Variants in MED13L observed in about 807,000 individuals in gnomAD.
MED13L encodes the protein mediator complex subunit 13L, also known as mediator of RNA polymerase II transcription subunit 13-like.
Under a neutral mutation model 220.9 loss-of-function variants are expected in MED13L, and 7 were observed. The observed-to-expected ratio is 0.03, with a 90% confidence interval of 0.02 to 0.06. MED13L has a LOEUF of 0.06. Among genes scored for constraint, MED13L ranks in the 10% least tolerant of loss-of-function variants. The probability of loss-of-function intolerance (pLI) is 1.00; values close to 1 mark genes in which losing one functional copy is unlikely to be tolerated. For missense variants in MED13L, 1,965 were observed against 2,760.5 expected (o/e 0.71, Z 6.46); for synonymous variants, 1,011 against 1,015.2 (o/e 1.00, Z 0.08).
chr12:116,007,382 T>C, intron 11 of MED13L, 29 bp downstream of exon 11: 1 of 1,580,782 alleles, frequency 6.3e-7, no homozygotes, highest in Non-Finnish European at 8.7e-7. Context: ...ACCCACACCA[T>C]GCTGGACTCT....
chr12:116,016,193 A>G (rs748256390), intron 7 of MED13L, among the ~76,000 whole-genome samples: 8 of 152,118 alleles, frequency 5.3e-5, no homozygotes, highest in Non-Finnish European at 8.8e-5. Context: ...CACCTTAACG[A>G]AAGTCAAGGT....
intron 30 of MED13L, among the ~76,000 whole-genome samples, 159 bp downstream of exon 30, chr12:115,963,248 A>AT (rs1875897442): frequency 6.6e-6 from 1 of 152,182 alleles, no homozygotes; most frequent in Non-Finnish European, 1.5e-5. Context: ...CCATGCAGCT[A>AT]TGAGGGACTG....
rs1875692017 is a variant in MED13L, at chr12:115,960,525, C to T, written c.*741G>A. 1 of 152,470 alleles carries T rather than the reference C, an allele frequency of 6.6e-6. No homozygotes were observed. The highest frequency in any genetic ancestry group is 2.1e-4 in the South Asian group (1 of 4,838). 9.4% of individuals were successfully genotyped at this position (152,470 alleles called of 1,614,324 possible). ...TGATCTCCCCAATGTGTTTTTACTC[C>T]TTTTCCGGCTTCTAGGACAGAGGTA... is the stretch of plus-strand genomic sequence containing the variant. On this transcript the variant is annotated 3_prime_UTR_variant, in exon 31 of 31. Transcript: ENST00000281928.
At chr12:115,984,754 C>T (rs1489794926) in intron 19 of MED13L, among the ~76,000 whole-genome samples, 2 of 152,168 alleles carry the variant, frequency 1.3e-5, no homozygotes, top group Admixed American at 6.6e-5. Context: ...AATCCCTACT[C>T]ATAATATTTT....
At position 115,965,575 on chromosome 12, in the gene MED13L, G is replaced by A. The variant is rs543908631; in HGVS notation, c.6387+507C>T. ...GTTTTTAACATAAACTGCAAGTAGG[G>A]GATCTTTTGTTTTGAACCCTTAAAA... On this transcript the variant is annotated intron_variant, in intron 29 of 30. Transcript: ENST00000281928. 2.0e-5 allele frequency among the ~76,000 whole-genome samples: 3 copies of A among 152,238 alleles called. No homozygotes were observed. The East Asian group carries it at 5.8e-4, about 29-fold the overall frequency.
In MED13L at chr12:116,215,272, G is replaced by A. The variant is rs1487618556; in HGVS notation, c.310+22196C>T. ...TAAGTGAACATTCTTTGTTTCCTTC[G>A]CAGGTGACAAAACCATATTACATCC... On this transcript the variant is annotated intron_variant, in intron 2 of 30. Transcript: ENST00000281928. 2.6e-5 allele frequency among the ~76,000 whole-genome samples: 4 copies of A among 151,948 alleles called. No individual in the cohort carries two copies. The East Asian group carries it at 5.8e-4, about 22-fold the overall frequency.
rs1236040665 is a variant in MED13L, at chr12:116,008,764, G to C, written c.1649C>G (p.Ser550Cys). ...TGTTGGTGGCAGAGGGGATATAGGGGAATGAGGTGAATCCATAGGATTCAG... is the reference window on the plus strand; with the variant it reads ...TGTTGGTGGCAGAGGGGATATAGGGCAATGAGGTGAATCCATAGGATTCAG... ...MNLNPMDSPHSPISPLPPTLS... is the reference protein window; with the variant it reads ...MNLNPMDSPHCPISPLPPTLS... The change falls in exon 10 of 31, where the codon TCC becomes TGC. Residue 550 changes from serine to cysteine, a missense_variant. Ser to Cys is a moderately radical substitution (Grantham distance 112). Around this residue, in one of 10 missense-constraint regions of MED13L, gnomAD observed 818 missense variants for 1,041.2 expected, o/e 0.79. Transcript: ENST00000281928. The C allele has an allele frequency of 3.1e-6, 5 of 1,613,920 alleles. No homozygotes were observed. Among genetic ancestry groups the C allele is most frequent in the African/African-American group, 1.3e-5 (1 of 74,892 alleles).
intron 1 of MED13L, among the ~76,000 whole-genome samples, chr12:116,253,753 G>GTTTTTTTTTTTTT (rs746923184): frequency 5.2e-5 from 4 of 76,492 alleles, no homozygotes; most frequent in Non-Finnish European, 1.0e-4. Context: ...GGTTTTTTTT[G>GTTTTTTTTTTTTT]TTTTTTTTTT....
chr12:116,132,308 C>T (rs909110924), intron 2 of MED13L, among the ~76,000 whole-genome samples: 1 of 150,690 alleles, frequency 6.6e-6, no homozygotes, highest in Non-Finnish European at 1.5e-5. Flanking sequence ...AAAATCAGTA[C>T]CAAATAAAAT....
intron 7 of MED13L, among the ~76,000 whole-genome samples, chr12:116,018,033 CCAGA>C (rs1296874390): frequency 6.6e-6 from 1 of 151,996 alleles, no homozygotes. Context: ...GTAATTACCT[CCAGA>C]CAATGTGTGC....
intron 2 of MED13L, among the ~76,000 whole-genome samples, chr12:116,130,682 T>G (rs1390319716): frequency 6.6e-6 from 1 of 150,494 alleles, no homozygotes; most frequent in Non-Finnish European, 1.5e-5. Flanking sequence ...CTTCCTGTGA[T>G]GTACTGTATG....
At chr12:116,112,938 T>C (rs1332876421) in intron 2 of MED13L, among the ~76,000 whole-genome samples, 1 of 152,184 alleles carries the variant, frequency 6.6e-6, no homozygotes, top group Non-Finnish European at 1.5e-5. Flanking sequence ...TACACCATTA[T>C]TTTGCAAACC....
At chr12:115,983,731 T>C (rs902592318) in intron 20 of MED13L, among the ~76,000 whole-genome samples, 191 bp from the exon 21 acceptor site, 2 of 152,160 alleles carry the variant, frequency 1.3e-5, no homozygotes, top group Non-Finnish European at 2.9e-5. Context: ...TGGAGCAACT[T>C]ATAAATTCTA....
intron 16 of MED13L, among the ~76,000 whole-genome samples, chr12:115,993,356 T>TAA (rs2137314438): frequency 6.6e-6 from 1 of 152,288 alleles, no homozygotes; most frequent in African/African-American, 2.4e-5. Context: ...ATACTGTACT[T>TAA]AAACTAATGC....
chr12:116,028,047 A>C (rs578119629), intron 4 of MED13L, among the ~76,000 whole-genome samples: 1 of 152,356 alleles, frequency 6.6e-6, no homozygotes, highest in South Asian at 2.1e-4. Context: ...AATAGGGCTA[A>C]AAAGACTTTA....
At chr12:115,963,097 C>A (rs746226605) in intron 30 of MED13L, among the ~76,000 whole-genome samples, 2 of 152,176 alleles carry the variant, frequency 1.3e-5, no homozygotes, top group Non-Finnish European at 2.9e-5. Flanking sequence ...TTTAAGAGTT[C>A]CAGACACTGT....
intron 1 of MED13L, among the ~76,000 whole-genome samples, chr12:116,265,144 T>C (rs1872741020): frequency 6.6e-6 from 1 of 152,224 alleles, no homozygotes; most frequent in African/African-American, 2.4e-5. Flanking sequence ...TCCCTCTCTT[T>C]CACTCCTTAC....
intron 2 of MED13L, among the ~76,000 whole-genome samples, chr12:116,177,339 AATC>A (rs1880151670): frequency 6.6e-6 from 1 of 152,244 alleles, no homozygotes; most frequent in Non-Finnish European, 1.5e-5. Flanking sequence ...GTAAAGAAGC[AATC>A]CTCAAGACCA....
chr12:116,188,109 A>G (rs949226075), intron 2 of MED13L, among the ~76,000 whole-genome samples: 6 of 151,386 alleles, frequency 4.0e-5, no homozygotes, highest in East Asian at 3.9e-4. Context: ...TACATTTTAC[A>G]TAACATAATT....
Sources: gnomAD v4.1 joint callset for allele counts (sites outside exome capture counted in the v4.1 genomes callset) on GRCh38, gnomAD v4.1.1 for gene constraint, gnomAD v4.1.1 regional missense constraint, MANE v1.5 for transcripts, NCBI Gene and HGNC (gene_info 2026-07-23, HGNC 2026-07-21) for gene names.